DDX60L: variants seen among roughly 807,000 people sequenced by gnomAD.
The protein encoded by DDX60L is probable ATP-dependent RNA helicase DDX60-like.
Under a neutral mutation model 211.6 loss-of-function variants are expected in DDX60L, and 191 were observed. The observed-to-expected ratio is 0.90, with a 90% CI of 0.80 to 1.02. The LOEUF (loss-of-function observed/expected upper bound fraction) is 1.02. DDX60L is among the 50% of genes least tolerant of loss of function. DDX60L has a pLI of 0.00. For missense variants in DDX60L, 2,007 were observed against 1,984.1 expected (o/e 1.01, Z -0.22); for synonymous variants, 706 against 694.1 (o/e 1.02, Z -0.27).
chr4:168,430,711 A>T, intron 12 of DDX60L, 73 bp from the exon 13 acceptor site: 1 of 1,143,660 alleles, frequency 8.7e-7, no homozygotes, highest in Non-Finnish European at 1.2e-6. Context: ...CCCACACATT[A>T]TTTTTTTAAC....
Position 168,472,797 on chromosome 4 carries a change from G to A in DDX60L, c.-98C>T, listed in dbSNP as rs1758977558. 4 of 1,320,632 alleles carry A rather than the reference G, an allele frequency of 3.0e-6. No homozygotes were observed. In the South Asian group the frequency reaches 5.0e-5, roughly 17 times the overall value. The allele number at this position is 1,320,632 out of a possible 1,614,324, so 81.8% of individuals were successfully genotyped here. Reference sequence around the variant, plus strand: ...CACCTCTAAAATGGCTACATTTGATGTGAATGGCACCTCTGTAATAAAAGA... The same window carrying A: ...CACCTCTAAAATGGCTACATTTGATATGAATGGCACCTCTGTAATAAAAGA... On this transcript the variant is annotated 5_prime_UTR_variant, in exon 2 of 38. Coordinates refer to ENST00000682922, the MANE Select transcript of DDX60L (RefSeq NM_001012967.3).
At position 168,415,796 on chromosome 4, in the gene DDX60L, C is replaced by T. The variant is rs752429279; in HGVS notation, c.2730G>A (p.Trp910Ter). The T allele has an allele frequency of 1.1e-5, 17 of 1,549,906 alleles. No homozygotes were observed. The highest frequency in any genetic ancestry group is 1.5e-5 in the Non-Finnish European group (17 of 1,148,364). ...TCCAGTACTGTTTTACTGATTGCAGCCACCTTACAGAATAAACATGCATAT... is the reference window on the plus strand; with the variant it reads ...TCCAGTACTGTTTTACTGATTGCAGTCACCTTACAGAATAAACATGCATAT... ...TINNPNLLTK[W>*]LQSVKQYWKQ... The change falls in exon 21 of 38, where the codon TGG becomes TGA. Residue 910 changes from tryptophan to a stop codon, truncating the protein, a stop_gained. Transcript: ENST00000682922. LOFTEE classifies it high-confidence loss of function.
chr4:168,440,645 G>A (rs1016128918), intron 10 of DDX60L, among the ~76,000 whole-genome samples: 3 of 152,068 alleles, frequency 2.0e-5, no homozygotes, highest in South Asian at 2.1e-4. Context: ...TTCAGACCAC[G>A]ACTCATTGCA....
chr4:168,439,870 A>T (rs184990858), intron 10 of DDX60L, among the ~76,000 whole-genome samples: 1 of 152,330 alleles, frequency 6.6e-6, no homozygotes, highest in Admixed American at 6.5e-5. Flanking sequence ...CTCTCACACC[A>T]TACAAAAGTA....
chr4:168,385,063 T>C (rs898088700), intron 29 of DDX60L, among the ~76,000 whole-genome samples: 1 of 152,176 alleles, frequency 6.6e-6, no homozygotes. Context: ...CCTTGGACTC[T>C]CCAATATCTG....
intron 4 of DDX60L, among the ~76,000 whole-genome samples, chr4:168,465,154 A>T (rs1425619564): frequency 1.3e-5 from 2 of 150,228 alleles, no homozygotes. Flanking sequence ...CCTTACTAGC[A>T]TTTTTTTTTT....
Position 168,416,684 on chromosome 4 carries a change from G to A in DDX60L, c.2724C>T (p.Thr908=), listed in dbSNP as rs752376190. ...SATINNPNLL[T]KWLQSVKQYW... ...CCACTCTTTTTACCTATACCTACTT[G>A]GTGAGAAGATTTGGGTTATTTATGG... is the stretch of plus-strand genomic sequence containing the variant. Residue 908 remains threonine, a splice_region_variant and synonymous_variant, in exon 20 of 38, where the codon ACC becomes ACT. Coordinates refer to ENST00000682922, the MANE Select transcript of DDX60L (RefSeq NM_001012967.3). The A allele has an allele frequency of 7.6e-6, 12 of 1,583,448 alleles. No homozygotes were observed. The highest frequency in any genetic ancestry group is 1.7e-4 in the Middle Eastern group (1 of 5,906).
intron 1 of DDX60L, among the ~76,000 whole-genome samples, chr4:168,479,597 T>C (rs1171716875): frequency 6.6e-6 from 1 of 152,136 alleles, no homozygotes; most frequent in African/African-American, 2.4e-5. Flanking sequence ...CAATGTAACT[T>C]TGTAAACAAA....
rs532402292 is a variant in DDX60L, at chr4:168,462,473, A to C, written c.265-433T>G. On this transcript the variant is annotated intron_variant, in intron 4 of 37. Coordinates refer to ENST00000682922, the MANE Select transcript of DDX60L (RefSeq NM_001012967.3). ...TTTTCAAATTTACAAGAGAAAAAAAAAACCCACTAAAAAGTGGGCAAAGGA... is the reference window on the plus strand; with the variant it reads ...TTTTCAAATTTACAAGAGAAAAAAACAACCCACTAAAAAGTGGGCAAAGGA... 3.9e-4 allele frequency among the ~76,000 whole-genome samples: 59 copies of C among 152,248 alleles called. No individual in the cohort carries two copies. The East Asian group carries it at 0.011, about 27-fold the overall frequency.
At chr4:168,410,103 C>G (rs990016085) in intron 22 of DDX60L, among the ~76,000 whole-genome samples, 5 of 151,986 alleles carry the variant, frequency 3.3e-5, no homozygotes, top group Non-Finnish European at 5.9e-5. Flanking sequence ...CAAAATTTTT[C>G]ATTAACAATT....
chr4:168,387,286 T>C (rs751115770), intron 29 of DDX60L, among the ~76,000 whole-genome samples: 30 of 152,344 alleles, frequency 2.0e-4, no homozygotes, highest in Non-Finnish European at 2.9e-4. Context: ...TAAACTGTGG[T>C]TGGAAATCTC....
intron 1 of DDX60L, among the ~76,000 whole-genome samples, chr4:168,478,990 C>A (rs908673752): frequency 6.6e-6 from 1 of 152,196 alleles, no homozygotes; most frequent in Non-Finnish European, 1.5e-5. Flanking sequence ...CTAAGTAAGA[C>A]TGACAGGTAC....
At chr4:168,479,567 G>C (rs932521061) in intron 1 of DDX60L, among the ~76,000 whole-genome samples, 1 of 152,138 alleles carries the variant, frequency 6.6e-6, no homozygotes, top group Admixed American at 6.6e-5. Flanking sequence ...AAAACCTTGA[G>C]AAGTTTATTA....
intron 10 of DDX60L, among the ~76,000 whole-genome samples, chr4:168,437,440 GC>G (rs1474720526): frequency 6.6e-6 from 1 of 152,078 alleles, no homozygotes; most frequent in Non-Finnish European, 1.5e-5. Context: ...TGAGAGAGAG[GC>G]ATGGGATTGT....
chr4:168,392,865 TC>T (rs1745091244), intron 28 of DDX60L, among the ~76,000 whole-genome samples: 1 of 150,186 alleles, frequency 6.7e-6, no homozygotes, highest in South Asian at 2.1e-4. Context: ...AAAAAAGTGT[TC>T]CGTGTAGCAA....
chr4:168,389,526 G>A (rs1037091749), intron 29 of DDX60L, among the ~76,000 whole-genome samples: 1 of 152,208 alleles, frequency 6.6e-6, no homozygotes, highest in African/African-American at 2.4e-5. Flanking sequence ...GAAGGAAGGT[G>A]CATAGCTTCA....
intron 36 of DDX60L, among the ~76,000 whole-genome samples, chr4:168,362,948 A>G (rs1188835410): frequency 3.9e-5 from 6 of 152,176 alleles, no homozygotes; most frequent in Admixed American, 6.5e-5. Context: ...AGATATATGC[A>G]TCTAAGAAGC....
chr4:168,374,211 C>G (rs1472428237), intron 34 of DDX60L, among the ~76,000 whole-genome samples: 1 of 151,896 alleles, frequency 6.6e-6, no homozygotes, highest in East Asian at 1.9e-4. Flanking sequence ...CTCGTTTTTC[C>G]CATCACGACA....
At chr4:168,461,597 C>T (rs891636538) in intron 5 of DDX60L, 102 bp downstream of exon 5, 2 of 800,380 alleles carry the variant, frequency 2.5e-6, no homozygotes, top group East Asian at 2.7e-5. Context: ...TGGAGACTGC[C>T]TATAATAAGT....
Sources: gnomAD v4.1 joint callset for allele counts (sites outside exome capture counted in the v4.1 genomes callset) on GRCh38, gnomAD v4.1.1 for gene constraint, MANE v1.5 for transcripts, NCBI Gene and HGNC (gene_info 2026-07-23, HGNC 2026-07-21) for gene names.